The following DPYD variants were observed in gnomAD, a reference collection of about 807,000 sequenced individuals.
DPYD encodes dihydropyrimidine dehydrogenase.
Under a neutral mutation model 116.2 loss-of-function variants are expected in DPYD, and 109 were observed. That is an observed-to-expected ratio of 0.94 (90% CI 0.80 to 1.10). The LOEUF is 1.10. Among genes scored for constraint, DPYD ranks in the 50% least tolerant of loss-of-function variants. DPYD has a pLI of 0.00. For synonymous variants in DPYD, 440 were observed against 432.0 expected (o/e 1.02, Z -0.23); for missense variants, 1,302 against 1,254.5 (o/e 1.04, Z -0.57).
At chr1:97,636,493 T>C (rs1228002641) in intron 8 of DPYD, among the ~76,000 whole-genome samples, 2 of 152,142 alleles carry the variant, frequency 1.3e-5, no homozygotes, top group African/African-American at 4.8e-5. Flanking sequence ...CAAATAGAAT[T>C]GTGCAAAATT....
At chr1:97,898,188 G>A (rs181684871) in intron 1 of DPYD, among the ~76,000 whole-genome samples, 1 of 144,150 alleles carries the variant, frequency 6.9e-6, no homozygotes, top group East Asian at 2.0e-4. Flanking sequence ...CCATGTGAGT[G>A]CTAGTTCCGT....
chr1:97,234,937 G>C lies in DPYD; in HGVS notation c.2357C>G (p.Pro786Arg), dbSNP rs777673186. 1 of 1,614,096 alleles carries C rather than the reference G, an allele frequency of 6.2e-7. No homozygotes were observed. The highest frequency in any genetic ancestry group is 1.7e-5 in the Admixed American group (1 of 60,022). The change falls in exon 19 of 23, where the codon CCT becomes CGT. Residue 786 changes from proline to arginine, a missense_variant. Pro to Arg is a moderately radical substitution (Grantham distance 103). Transcript: ENST00000370192. Reference protein sequence around the residue: ...RAVTSIARALPGFPILATGGI... With the variant: ...RAVTSIARALRGFPILATGGI... ...ACCAGTAGCCAAAATGGGAAATCCAGGCAGAGCACGAGCAATGGAGGTCAC... is the reference window on the plus strand; with the variant it reads ...ACCAGTAGCCAAAATGGGAAATCCACGCAGAGCACGAGCAATGGAGGTCAC...
chr1:97,133,994 G>T (rs1342646859), intron 20 of DPYD, among the ~76,000 whole-genome samples: 1 of 43,968 alleles, frequency 2.3e-5, no homozygotes, highest in Non-Finnish European at 3.8e-5. Flanking sequence ...GCCAGACTCT[G>T]TTTCAAAAAA....
chr1:97,827,736 A>C (rs1229561488), intron 3 of DPYD, among the ~76,000 whole-genome samples: 10 of 152,074 alleles, frequency 6.6e-5, no homozygotes, highest in African/African-American at 2.4e-4. Context: ...CCTCTCTTTA[A>C]ATTAAATATT....
intron 3 of DPYD, among the ~76,000 whole-genome samples, chr1:97,768,239 A>C (rs1415258852): frequency 6.6e-6 from 1 of 152,158 alleles, no homozygotes; most frequent in East Asian, 1.9e-4. Flanking sequence ...GGTTTCTGAA[A>C]GTTGCTGTAT....
intron 16 of DPYD, among the ~76,000 whole-genome samples, chr1:97,363,848 A>T (rs1035416064): frequency 2.0e-5 from 3 of 152,164 alleles, no homozygotes; most frequent in Non-Finnish European, 2.9e-5. Flanking sequence ...AATACCTAAT[A>T]TAAATGATGA....
chr1:97,206,186 C>G (rs1659584699), intron 19 of DPYD, among the ~76,000 whole-genome samples: 1 of 151,692 alleles, frequency 6.6e-6, no homozygotes, highest in Non-Finnish European at 1.5e-5. Context: ...TCAAAGGGGA[C>G]AGGGGAGGCA....
chr1:97,372,636 A>C (rs1671363468), intron 16 of DPYD, among the ~76,000 whole-genome samples: 1 of 152,152 alleles, frequency 6.6e-6, no homozygotes. Flanking sequence ...TTCTTCCTGA[A>C]TGCTAATACA....
chr1:97,291,608 T>G (rs12731707), intron 18 of DPYD, among the ~76,000 whole-genome samples: 50 of 151,810 alleles, frequency 3.3e-4, no homozygotes, highest in Non-Finnish European at 5.0e-4. Flanking sequence ...AACACCGCAT[T>G]TTCTCACTCA....
intron 14 of DPYD, among the ~76,000 whole-genome samples, chr1:97,446,147 G>A (rs1676074886): frequency 6.6e-6 from 1 of 152,126 alleles, no homozygotes; most frequent in Admixed American, 6.6e-5. Flanking sequence ...GAAATCTGAA[G>A]TACTTATACT....
At chr1:97,084,413 G>C (rs1392549949) in intron 21 of DPYD, among the ~76,000 whole-genome samples, 3 of 151,622 alleles carry the variant, frequency 2.0e-5, no homozygotes, top group Non-Finnish European at 2.9e-5. Context: ...AACCAAATGT[G>C]AGGACGTGAT....
intron 16 of DPYD, among the ~76,000 whole-genome samples, chr1:97,316,624 T>C (rs892416354): frequency 1.3e-5 from 2 of 151,880 alleles, no homozygotes; most frequent in African/African-American, 4.8e-5. Flanking sequence ...ATGCCCTCTG[T>C]TCTGAACTGT....
At chr1:97,334,915 G>C (rs774706578) in intron 16 of DPYD, among the ~76,000 whole-genome samples, 11 of 152,164 alleles carry the variant, frequency 7.2e-5, no homozygotes, top group Non-Finnish European at 1.5e-4. Flanking sequence ...TAGGGAACAA[G>C]AGAGCCCGGT....
rs1671038801 is a variant in DPYD at position 97,859,973 on chromosome 1, T to A, written c.150+23291A>T. On this transcript the variant is annotated intron_variant, in intron 2 of 22. Transcript: ENST00000370192. ...TTATGAATATAAATATTTGTAACCA[T>A]TTGATATTTTTCCATATTTTTCTCT... is the stretch of plus-strand genomic sequence containing the variant. 2.0e-5 allele frequency among the ~76,000 whole-genome samples: 3 copies of A among 151,702 alleles called. No individual in the cohort carries two copies. The South Asian group carries it at 6.2e-4, about 32-fold the overall frequency.
intron 12 of DPYD, among the ~76,000 whole-genome samples, chr1:97,521,197 G>A (rs1407035764): frequency 1.3e-5 from 2 of 152,002 alleles, no homozygotes; most frequent in African/African-American, 4.8e-5. Flanking sequence ...ATCTCATTGT[G>A]GTTTTGATTT....
chr1:97,337,237 T>C (rs1669338689), intron 16 of DPYD, among the ~76,000 whole-genome samples: 1 of 152,136 alleles, frequency 6.6e-6, no homozygotes, highest in Admixed American at 6.5e-5. Context: ...TTTTAAGAAG[T>C]TGATGAGGCT....
At position 97,629,500 on chromosome 1, in the gene DPYD, T is replaced by C. The variant is rs1023466959; in HGVS notation, c.851-34334A>G. Among the ~76,000 whole-genome samples, 4 of 152,050 alleles carry C rather than the reference T, an allele frequency of 2.6e-5. 1 individual carries two copies. The highest frequency in any genetic ancestry group is 5.9e-5 in the Non-Finnish European group (4 of 67,988). On this transcript the variant is annotated intron_variant, in intron 8 of 22. Coordinates refer to ENST00000370192, the MANE Select transcript of DPYD (RefSeq NM_000110.4). ...GGCTGCTCACAGAGGCACTAGTTCT[T>C]TTAACACATCCTCCTCCAATGTTGT...
chr1:97,633,105 A>G (rs1235292213), intron 8 of DPYD, among the ~76,000 whole-genome samples: 1 of 152,172 alleles, frequency 6.6e-6, no homozygotes, highest in Non-Finnish European at 1.5e-5. Flanking sequence ...AAAAGCCAAA[A>G]AAATAATATT....
At chr1:97,672,711 C>A (rs912855501) in intron 8 of DPYD, among the ~76,000 whole-genome samples, 14 of 152,058 alleles carry the variant, frequency 9.2e-5, no homozygotes, top group African/African-American at 3.4e-4. Flanking sequence ...CAACTATGTA[C>A]AATTTAAAAA....
Sources: gnomAD v4.1 joint callset for allele counts (sites outside exome capture counted in the v4.1 genomes callset) on GRCh38, gnomAD v4.1.1 for gene constraint, MANE v1.5 for transcripts, NCBI Gene and HGNC (gene_info 2026-07-23, HGNC 2026-07-21) for gene names.